The following TENM1 variants were observed in gnomAD, a reference collection of about 807,000 sequenced individuals.
TENM1 encodes the protein teneurin-1.
In TENM1, 35 loss-of-function variants were observed where a neutral mutation model predicts 174.8. The ratio of observed to expected loss-of-function variants is 0.20; its 90% confidence interval spans 0.15 to 0.27. The LOEUF is 0.27. Among genes scored for constraint, TENM1 ranks in the 10% least tolerant of loss-of-function variants. TENM1 has a pLI of 1.00. For missense variants in TENM1, 1,633 were observed against 2,130.1 expected (o/e 0.77, Z 4.59); for synonymous variants, 781 against 798.7 (o/e 0.98, Z 0.37).
At chrX:124,845,044 T>C (rs2056580771) in intron 3 of TENM1, among the ~76,000 whole-genome samples, 1 of 111,582 alleles carries the variant, frequency 9.0e-6, no homozygotes, top group African/African-American at 3.3e-5. Context: ...TACTGGAGAA[T>C]CACTGCATCC....
chrX:125,165,850 C>T, the TENM1 span, among the ~76,000 whole-genome samples: 1 of 111,154 alleles, frequency 9.0e-6, no homozygotes, highest in Non-Finnish European at 1.9e-5. Flanking sequence ...TAAACAGCCG[C>T]GATTCTTGCC....
intron 3 of TENM1, among the ~76,000 whole-genome samples, chrX:124,890,109 T>A (rs1421683682): frequency 8.9e-6 from 1 of 112,459 alleles, no homozygotes; most frequent in Non-Finnish European, 1.9e-5. Flanking sequence ...ATTTGCAATT[T>A]ATATTTTATT....
the TENM1 span, among the ~76,000 whole-genome samples, chrX:125,041,180 A>G: frequency 2.7e-5 from 3 of 111,700 alleles, no homozygotes; most frequent in South Asian, 1.1e-3. Context: ...TCATTTCACT[A>G]TTTAGAACAT....
chrX:125,151,460 G>A, the TENM1 span, among the ~76,000 whole-genome samples: 3,344 of 111,756 alleles, frequency 0.03, 132 homozygotes, highest in African/African-American at 0.1. Flanking sequence ...AGGGGCTTGG[G>A]TAAAGACATA....
chrX:124,531,712 C>T (rs769662579), intron 15 of TENM1, among the ~76,000 whole-genome samples: 50 of 111,986 alleles, frequency 4.5e-4, no homozygotes, highest in African/African-American at 1.5e-3. Flanking sequence ...GCACTTGCTT[C>T]GCCATGTTTG....
the TENM1 span, among the ~76,000 whole-genome samples, chrX:125,023,308 C>T: frequency 9.0e-6 from 1 of 111,341 alleles, no homozygotes; most frequent in Admixed American, 9.6e-5. Flanking sequence ...CCATGTGAGA[C>T]GTGCCTTTGC....
the TENM1 span, among the ~76,000 whole-genome samples, chrX:125,133,139 G>A: frequency 1.7e-3 from 192 of 110,773 alleles, no homozygotes; most frequent in Non-Finnish European, 3.0e-3. Context: ...GACTACAGGC[G>A]TCTGCCACCA....
intron 31 of TENM1, among the ~76,000 whole-genome samples, chrX:124,381,781 T>TA (rs1413329230): frequency 1.8e-5 from 2 of 110,976 alleles, no homozygotes; most frequent in East Asian, 2.8e-4. Context: ...TATGTGGACT[T>TA]AAAAAAAACC....
At chrX:124,811,824 C>A (rs1263318865) in intron 3 of TENM1, among the ~76,000 whole-genome samples, 1 of 110,678 alleles carries the variant, frequency 9.0e-6, no homozygotes, top group Non-Finnish European at 1.9e-5. Context: ...CAATAGAATA[C>A]AATTAAGCCA....
chrX:124,598,563 A>G (rs1035040644), intron 11 of TENM1, among the ~76,000 whole-genome samples: 1 of 112,310 alleles, frequency 8.9e-6, no homozygotes, highest in Non-Finnish European at 1.9e-5. Flanking sequence ...AGCCATAAAA[A>G]AGAATGATAT....
chrX:124,420,885 A>T, intron 24 of TENM1, 64 bp from the exon 28 acceptor site: 1 of 1,027,108 alleles, frequency 9.7e-7, no homozygotes, highest in Non-Finnish European at 1.3e-6. Flanking sequence ...CATACCACAG[A>T]CATAAAGCTC....
chrX:124,931,189 G>C (rs1356131375), intron 1 of TENM1, among the ~76,000 whole-genome samples: 1 of 109,059 alleles, frequency 9.2e-6, no homozygotes, highest in Non-Finnish European at 1.9e-5. Context: ...TGTTAAGTTT[G>C]TCTGAATTGT....
chrX:124,468,082 A>T (rs977950038), intron 22 of TENM1, among the ~76,000 whole-genome samples: 3 of 111,684 alleles, frequency 2.7e-5, no homozygotes, highest in African/African-American at 9.8e-5. Context: ...GAAATATTTC[A>T]ACTGGTTAGA....
At chrX:125,185,876 G>T in the TENM1 span, among the ~76,000 whole-genome samples, 1 of 111,837 alleles carries the variant, frequency 8.9e-6, no homozygotes, top group African/African-American at 3.2e-5. Context: ...AGATAAAGGG[G>T]TCCGCTTTTT....
At chrX:124,458,417 A>T (rs1464443367) in intron 22 of TENM1, among the ~76,000 whole-genome samples, 1 of 112,132 alleles carries the variant, frequency 8.9e-6, no homozygotes, top group Non-Finnish European at 1.9e-5. Flanking sequence ...AGCTGAGATG[A>T]TTTCACTGTG....
At chrX:124,671,699 A>C (rs1228799012) in exon 6 of TENM1, 2 of 1,206,092 alleles carry the variant, frequency 1.7e-6, no homozygotes, top group East Asian at 5.9e-5. Flanking sequence ...TCTCTGATTT[A>C]TCAGAAACTT....
At chrX:124,978,088 G>GT in the TENM1 span, among the ~76,000 whole-genome samples, 1 of 108,012 alleles carries the variant, frequency 9.3e-6, no homozygotes, top group Non-Finnish European at 1.9e-5. Flanking sequence ...TCAGCTGATT[G>GT]TCTCTTTTGC....
chrX:125,022,072 G>A, the TENM1 span, among the ~76,000 whole-genome samples: 1 of 112,187 alleles, frequency 8.9e-6, no homozygotes, highest in South Asian at 3.7e-4. Context: ...GTACCTATTT[G>A]GCTAGAAATG....
chrX:124,437,370 C>T (rs2060854179), intron 23 of TENM1, among the ~76,000 whole-genome samples: 1 of 110,790 alleles, frequency 9.0e-6, no homozygotes, highest in Non-Finnish European at 1.9e-5. Context: ...CTGGAAGCAG[C>T]AAGGACTATT....
Sources: gnomAD v4.1 joint callset for allele counts (sites outside exome capture counted in the v4.1 genomes callset) on GRCh38, gnomAD v4.1.1 for gene constraint, MANE v1.5 for transcripts, NCBI Gene and HGNC (gene_info 2026-07-23, HGNC 2026-07-21) for gene names.